The following XYLT1 variants were observed in gnomAD, a reference collection of about 807,000 sequenced individuals.
The protein encoded by XYLT1 is beta-D-xylosyltransferase 1.
XYLT1 carries 36 observed loss-of-function variants against 91.3 expected under a neutral mutation model. The observed-to-expected ratio is 0.39, with a 90% confidence interval of 0.30 to 0.52. The LOEUF is 0.52. Among genes scored for constraint, XYLT1 ranks in the 20% least tolerant of loss-of-function variants. The pLI, the probability that XYLT1 is intolerant of heterozygous loss-of-function variation, is 0.68. For synonymous variants in XYLT1, 588 were observed against 532.0 expected (o/e 1.11, Z -1.45); for missense variants, 1,242 against 1,284.5 (o/e 0.97, Z 0.51).
intron 2 of XYLT1, among the ~76,000 whole-genome samples, chr16:17,304,601 A>G (rs2034445110): frequency 6.6e-6 from 1 of 152,140 alleles, no homozygotes; most frequent in Non-Finnish European, 1.5e-5. Context: ...ACCTGCTGTA[A>G]GCCTACGTCC....
At position 17,253,838 on chromosome 16, in the gene XYLT1, G is replaced by GAA. The variant is rs564568788; in HGVS notation, c.913+5149_913+5150insTT. Reference sequence around the variant, plus strand: ...CCTTGCAACTTGAGAGAGAGAGAGAGAGAGAGAGAGAGAGAGAGAGAGAGC... The same window carrying GAA: ...CCTTGCAACTTGAGAGAGAGAGAGAGAAAGAGAGAGAGAGAGAGAGAGAGAGC... On this transcript the variant is annotated intron_variant, in intron 3 of 11. Coordinates refer to ENST00000261381, the MANE Select transcript of XYLT1 (RefSeq NM_022166.4). Among the ~76,000 whole-genome samples the GAA allele has an allele frequency of 2.9e-3, 419 of 145,092 alleles. 7 individuals are homozygous for GAA. The highest frequency in any genetic ancestry group is 0.01 in the African/African-American group (399 of 38,506).
intron 2 of XYLT1, among the ~76,000 whole-genome samples, chr16:17,326,500 C>G (rs1838904785): frequency 6.6e-6 from 1 of 152,132 alleles, no homozygotes; most frequent in African/African-American, 2.4e-5. Context: ...AATAGACCCC[C>G]TAAGTCATGA....
intron 3 of XYLT1, among the ~76,000 whole-genome samples, chr16:17,223,309 C>A (rs1353431728): frequency 1.3e-5 from 2 of 152,178 alleles, no homozygotes; most frequent in Non-Finnish European, 2.9e-5. Flanking sequence ...TCACAGGGGC[C>A]AGGGGGCTGG....
intron 2 of XYLT1, among the ~76,000 whole-genome samples, chr16:17,353,062 T>C (rs2035242962): frequency 6.6e-6 from 1 of 152,220 alleles, no homozygotes; most frequent in African/African-American, 2.4e-5. Flanking sequence ...GTGAATGTCA[T>C]TCCCTTCCCT....
At chr16:17,409,781 C>G (rs1052342905) in intron 1 of XYLT1, among the ~76,000 whole-genome samples, 1 of 151,942 alleles carries the variant, frequency 6.6e-6, no homozygotes, top group Non-Finnish European at 1.5e-5. Context: ...AACTCCTGAC[C>G]TCAAGTGATC....
intron 2 of XYLT1, among the ~76,000 whole-genome samples, chr16:17,342,854 A>G (rs576204346): frequency 5.3e-5 from 8 of 152,362 alleles, no homozygotes; most frequent in African/African-American, 1.9e-4. Context: ...GGCACTCAAC[A>G]CATATTTATT....
At chr16:17,340,248 A>G (rs779870211) in intron 2 of XYLT1, among the ~76,000 whole-genome samples, 1 of 152,210 alleles carries the variant, frequency 6.6e-6, no homozygotes, top group Admixed American at 6.5e-5. Flanking sequence ...CTGCAGCTCA[A>G]CTGGAGACTC....
At chr16:17,242,999 G>GT (rs2033371391) in intron 3 of XYLT1, among the ~76,000 whole-genome samples, 1 of 152,120 alleles carries the variant, frequency 6.6e-6, no homozygotes, top group South Asian at 2.1e-4. Flanking sequence ...ACCACATTTT[G>GT]TTTATCCTTT....
chr16:17,134,525 C>T lies in XYLT1; in HGVS notation c.1975G>A (p.Gly659Ser), dbSNP rs1037172421. The change falls in exon 9 of 12, where the codon GGT becomes AGT. Residue 659 changes from glycine (G) to serine (S), a missense_variant. Gly to Ser is a moderately conservative substitution (Grantham distance 56). Around this residue, in one of 3 missense-constraint regions of XYLT1, gnomAD observed 511 missense variants for 497.0 expected, o/e 1.03. Coordinates refer to ENST00000261381, the MANE Select transcript of XYLT1 (RefSeq NM_022166.4). The part of the protein sequence containing the change: ...LTLYHSFARL[G>S]LRRAETSLHT... ...AGGGACGTCTCGGCCCGTCGAAGAC[C>T]CAGGCGGGCAAAGGAGTGGTACAAG... The T allele has an allele frequency of 1.2e-6, 2 of 1,614,008 alleles. No individual in the cohort carries two copies. Among genetic ancestry groups the T allele is most frequent in the Admixed American group, 3.3e-5 (2 of 60,000 alleles).
chr16:17,357,191 A>AC (rs2035311644), intron 2 of XYLT1, among the ~76,000 whole-genome samples: 1 of 146,936 alleles, frequency 6.8e-6, no homozygotes, highest in Non-Finnish European at 1.5e-5. Context: ...AAAAAAAAAA[A>AC]AAAAAAAACG....
chr16:17,326,621 AGACCATCCT>A (rs765373845), intron 2 of XYLT1, among the ~76,000 whole-genome samples: 7 of 152,102 alleles, frequency 4.6e-5, no homozygotes, highest in Non-Finnish European at 8.8e-5. Flanking sequence ...CAGGAGATCG[AGACCATCCT>A]GGCTGAAACG....
intron 9 of XYLT1, among the ~76,000 whole-genome samples, chr16:17,130,204 T>C (rs1597138930): frequency 1.3e-5 from 2 of 152,240 alleles, no homozygotes; most frequent in Admixed American, 6.5e-5. Flanking sequence ...TGGCTGCAGA[T>C]AGGGGAGCAA....
At chr16:17,305,516 A>G (rs1301225817) in intron 2 of XYLT1, among the ~76,000 whole-genome samples, 1 of 151,136 alleles carries the variant, frequency 6.6e-6, no homozygotes, top group Non-Finnish European at 1.5e-5. Context: ...CCTGGGTTCA[A>G]GCGATTCTTC....
intron 2 of XYLT1, among the ~76,000 whole-genome samples, chr16:17,341,770 T>A (rs1185326709): frequency 6.6e-6 from 1 of 152,242 alleles, no homozygotes; most frequent in Non-Finnish European, 1.5e-5. Flanking sequence ...ATTGCATTAA[T>A]CCTCTGTAGG....
At chr16:17,466,163 T>C (rs2036894172) in intron 1 of XYLT1, among the ~76,000 whole-genome samples, 1 of 152,156 alleles carries the variant, frequency 6.6e-6, no homozygotes, top group Non-Finnish European at 1.5e-5. Context: ...TTCTGGTAGA[T>C]GGGGATCTGG....
At chr16:17,273,395 C>T (rs1187810071) in intron 2 of XYLT1, among the ~76,000 whole-genome samples, 6 of 152,204 alleles carry the variant, frequency 3.9e-5, no homozygotes, top group African/African-American at 1.4e-4. Context: ...CATGTATCCT[C>T]CAGCCCCTTG....
Position 17,301,768 on chromosome 16 carries a change from G to A in XYLT1, c.403-42270C>T, listed in dbSNP as rs548530067. Reference sequence around the variant, plus strand: ...ACTCTCACTTCTTAGATGAAGACTCGGAGGTTTACAAAAGTGGAAAGACTA... The same window carrying A: ...ACTCTCACTTCTTAGATGAAGACTCAGAGGTTTACAAAAGTGGAAAGACTA... On this transcript the variant is annotated intron_variant, in intron 2 of 11. Transcript: ENST00000261381. Among the ~76,000 whole-genome samples the A allele has an allele frequency of 9.9e-5, 15 of 152,284 alleles. No individual in the cohort carries two copies. The East Asian group carries it at 2.7e-3, about 27-fold the overall frequency.
chr16:17,416,108 G>A (rs1178656003), intron 1 of XYLT1, among the ~76,000 whole-genome samples: 3 of 152,224 alleles, frequency 2.0e-5, no homozygotes. Context: ...TTGCTGTGGC[G>A]CTGTCCTGCA....
chr16:17,277,557 T>A (rs1351627238), intron 2 of XYLT1, among the ~76,000 whole-genome samples: 1 of 152,084 alleles, frequency 6.6e-6, no homozygotes, highest in African/African-American at 2.4e-5. Context: ...ACCCAGCTAA[T>A]TTTTGTATAT....
Sources: gnomAD v4.1 joint callset for allele counts (sites outside exome capture counted in the v4.1 genomes callset) on GRCh38, gnomAD v4.1.1 for gene constraint, gnomAD v4.1.1 regional missense constraint, MANE v1.5 for transcripts, NCBI Gene and HGNC (gene_info 2026-07-23, HGNC 2026-07-21) for gene names.